The following FEZ2 variants were observed in gnomAD, a reference collection of about 807,000 sequenced individuals.
FEZ2 encodes fasciculation and elongation protein zeta 2.
A neutral mutation model predicts 40.4 loss-of-function variants in FEZ2; 51 were observed. The observed-to-expected ratio is 1.26, with a 90% CI of 1.01 to 1.59. The LOEUF (loss-of-function observed/expected upper bound fraction) is 1.59. FEZ2 is among the 40% of genes most tolerant of loss of function. The pLI, the probability that FEZ2 is intolerant of heterozygous loss-of-function variation, is 0.00. For missense variants in FEZ2, 640 were observed against 438.3 expected (o/e 1.46, Z -4.11); for synonymous variants, 242 against 172.0 (o/e 1.41, Z -3.18).
intron 1 of FEZ2, 67 bp downstream of exon 1, chr2:36,597,810 A>T (rs1331287617): frequency 1.9e-6 from 2 of 1,045,646 alleles, no homozygotes; most frequent in Admixed American, 1.2e-4. Flanking sequence ...CTGCGGCCGT[A>T]GGGCTGCCGG....
rs1311226822 is a variant in FEZ2, at chr2:36,597,985, C to A, written c.158G>T (p.Ser53Ile). ...GADGFPAPACSLEEKLSLCFR... is the reference protein window; with the variant it reads ...GADGFPAPACILEEKLSLCFR... ...GCACAGGCTCAGCTTCTCCTCCAAG[C>A]TGCAGGCCGGGGCCGGGAAACCGTC... Residue 53 changes from serine (S) to isoleucine (I), a missense_variant, in exon 1 of 8, where the codon AGC becomes ATC. By Grantham distance (142) the Ser-to-Ile change is moderately radical. Coordinates refer to ENST00000405912, the MANE Select transcript of FEZ2 (RefSeq NM_005102.3). The A allele has an allele frequency of 2.7e-6, 4 of 1,494,370 alleles. No individual in the cohort carries two copies. Among genetic ancestry groups the A allele is most frequent in the South Asian group, 1.2e-5 (1 of 80,474 alleles). 92.6% of individuals were successfully genotyped at this position (1,494,370 alleles called of 1,614,324 possible). A position where few individuals can be genotyped will look rare whatever the true frequency, so the allele number is the denominator to read the frequency against.
chr2:36,567,903 G>A lies in FEZ2; in HGVS notation c.904-9390C>T, dbSNP rs372411456. Among the ~76,000 whole-genome samples, 6 of 152,134 alleles carry A rather than the reference G, an allele frequency of 3.9e-5. No homozygotes were observed. The South Asian group carries it at 8.3e-4, about 21-fold the overall frequency. The stretch of plus-strand genomic sequence containing the variant: ...AGAAACAGGAAACGAGCTGTGTAGA[G>A]CATACTGTGCATTCTGTTTTATAGC... On this transcript the variant is annotated intron_variant, in intron 5 of 7. Transcript: ENST00000405912.
chr2:36,569,127 T>A (rs1184166315), intron 5 of FEZ2, among the ~76,000 whole-genome samples: 2 of 152,150 alleles, frequency 1.3e-5, no homozygotes, highest in Non-Finnish European at 2.9e-5. Flanking sequence ...GAAATGGAAA[T>A]AATAACAATA....
chr2:36,581,176 G>A (rs1460858878), intron 4 of FEZ2, 114 bp downstream of exon 4: 2 of 1,017,394 alleles, frequency 2.0e-6, no homozygotes, highest in African/African-American at 1.6e-5. Flanking sequence ...TGTAAATTTG[G>A]ACACAAACAC....
intron 4 of FEZ2, among the ~76,000 whole-genome samples, chr2:36,580,029 C>A (rs1286394852): frequency 2.6e-5 from 4 of 152,182 alleles, no homozygotes; most frequent in Admixed American, 6.5e-5. Context: ...AGGCAGCCAT[C>A]TGCATGTCAA....
chr2:36,587,582 T>G (rs1169636464), intron 2 of FEZ2, among the ~76,000 whole-genome samples: 3 of 152,192 alleles, frequency 2.0e-5, no homozygotes, highest in African/African-American at 7.2e-5. Flanking sequence ...CAAAGAAAAA[T>G]TTAAAACTGC....
chr2:36,582,219 C>T (rs1016247020), intron 3 of FEZ2, among the ~76,000 whole-genome samples: 2 of 131,186 alleles, frequency 1.5e-5, no homozygotes, highest in African/African-American at 5.7e-5. Flanking sequence ...GAAAAAAGGA[C>T]CTAAAGTTAA....
intron 5 of FEZ2, among the ~76,000 whole-genome samples, chr2:36,568,090 G>A (rs3821150): frequency 0.24 from 36,876 of 151,950 alleles, 5,108 homozygotes; most frequent in South Asian, 0.41. Flanking sequence ...ATTATTAGGT[G>A]CTTATGGTGC....
intron 5 of FEZ2, among the ~76,000 whole-genome samples, chr2:36,567,535 G>A (rs557985411): frequency 1.3e-5 from 2 of 152,252 alleles, no homozygotes; most frequent in Admixed American, 1.3e-4. Context: ...GCCGAGGTGG[G>A]TGGATCACCT....
intron 5 of FEZ2, among the ~76,000 whole-genome samples, chr2:36,567,851 A>G (rs570147179): frequency 1.3e-5 from 2 of 152,162 alleles, no homozygotes; most frequent in Non-Finnish European, 2.9e-5. Flanking sequence ...ATAAAGGAAA[A>G]GAGAGACCAG....
Position 36,597,911 on chromosome 2 carries a change from G to C in FEZ2, c.232C>G (p.Pro78Ala). The change falls in exon 1 of 8, where the codon CCC becomes GCC. Residue 78 changes from proline (P) to alanine (A), a missense_variant. Coordinates refer to ENST00000405912, the MANE Select transcript of FEZ2 (RefSeq NM_005102.3). Reference protein sequence around the residue: ...GAEPPRTAVRPITERSLLQGD... With the variant: ...GAEPPRTAVRAITERSLLQGD... ...TGCAGGAGGCTGCGCTCCGTGATGG[G>C]CCGCACGGCCGTCCTCGGGGGCTCG... 7.1e-7 allele frequency: 1 copy of C among 1,412,780 alleles called. No homozygotes were observed. Among genetic ancestry groups the C allele is most frequent in the East Asian group, 3.0e-5 (1 of 32,980 alleles). The allele number at this position is 1,412,780 out of a possible 1,614,324, so 87.5% of individuals were successfully genotyped here. A position where few individuals can be genotyped will look rare whatever the true frequency, so the allele number is the denominator to read the frequency against.
At chr2:36,597,022 GTGA>G (rs1669244864) in intron 1 of FEZ2, among the ~76,000 whole-genome samples, 1 of 151,970 alleles carries the variant, frequency 6.6e-6, no homozygotes, top group Non-Finnish European at 1.5e-5. Context: ...TTGCTCTTAG[GTGA>G]TTCTGTAATT....
chr2:36,595,853 A>T (rs2148354620), intron 1 of FEZ2, among the ~76,000 whole-genome samples: 1 of 152,354 alleles, frequency 6.6e-6, no homozygotes, highest in East Asian at 1.9e-4. Flanking sequence ...ACCATTAACA[A>T]GAGCGACAAA....
intron 2 of FEZ2, among the ~76,000 whole-genome samples, chr2:36,588,522 G>A (rs1447230709): frequency 6.6e-6 from 1 of 152,082 alleles, no homozygotes; most frequent in East Asian, 1.9e-4. Context: ...TTTGTTCCAG[G>A]ACACCCCAAT....
At chr2:36,575,128 G>T (rs948182388) in intron 5 of FEZ2, among the ~76,000 whole-genome samples, 2 of 152,012 alleles carry the variant, frequency 1.3e-5, no homozygotes, top group South Asian at 4.2e-4. Context: ...GCCTTTCTCC[G>T]TCATTAGACT....
chr2:36,581,073 C>T (rs556023818), intron 4 of FEZ2, among the ~76,000 whole-genome samples: 2 of 152,208 alleles, frequency 1.3e-5, no homozygotes, highest in South Asian at 2.1e-4. Flanking sequence ...TGCTTGAACC[C>T]GGGAGGCACA....
intron 5 of FEZ2, among the ~76,000 whole-genome samples, chr2:36,575,927 A>C (rs1364718577): frequency 6.6e-6 from 1 of 152,198 alleles, no homozygotes; most frequent in African/African-American, 2.4e-5. Flanking sequence ...ACTTAACGAA[A>C]AACTTCAAGT....
intron 5 of FEZ2, among the ~76,000 whole-genome samples, chr2:36,570,928 G>A (rs774684458): frequency 6.6e-6 from 1 of 152,128 alleles, no homozygotes; most frequent in Non-Finnish European, 1.5e-5. Context: ...GCACATTACA[G>A]CTTTTATGTG....
intron 6 of FEZ2, chr2:36,556,154 G>A (rs1667955890): frequency 2.5e-6 from 1 of 404,306 alleles, no homozygotes. Flanking sequence ...AAGCAAACTA[G>A]AGAAACTCTT....
Sources: gnomAD v4.1 joint callset for allele counts (sites outside exome capture counted in the v4.1 genomes callset) on GRCh38, gnomAD v4.1.1 for gene constraint, MANE v1.5 for transcripts, NCBI Gene and HGNC (gene_info 2026-07-23, HGNC 2026-07-21) for gene names.